The following ADAMTS18 variants were observed in gnomAD, a reference collection of about 807,000 sequenced individuals.
ADAMTS18 encodes A disintegrin and metalloproteinase with thrombospondin motifs 18.
ADAMTS18 carries 157 observed loss-of-function variants against 165.9 expected under a neutral mutation model. The ratio of observed to expected loss-of-function variants is 0.95; its 90% CI spans 0.83 to 1.08. The LOEUF (loss-of-function observed/expected upper bound fraction) is 1.08. Ranked by LOEUF, ADAMTS18 falls within the 50% of genes least tolerant of loss-of-function variation. The pLI is 0.00. For synonymous variants in ADAMTS18, 782 were observed against 578.2 expected, an observed-to-expected ratio of 1.35 and a Z score of -5.06; for missense variants, 2,040 against 1,534.0, an observed-to-expected ratio of 1.33 and a Z score of -5.51.
chr16:77,338,307 C>T (rs377027674), intron 11 of ADAMTS18, among the ~76,000 whole-genome samples: 1 of 152,252 alleles, frequency 6.6e-6, no homozygotes, highest in East Asian at 1.9e-4. Flanking sequence ...ACGATCTTGG[C>T]ACACTGTAGC....
At chr16:77,419,423 T>G (rs1000278838) in intron 3 of ADAMTS18, among the ~76,000 whole-genome samples, 1 of 152,134 alleles carries the variant, frequency 6.6e-6, no homozygotes, top group Non-Finnish European at 1.5e-5. Context: ...CCCATGTGCC[T>G]TGTGTCATGG....
chr16:77,381,738 G>T (rs1251958594), intron 3 of ADAMTS18, among the ~76,000 whole-genome samples: 1 of 152,158 alleles, frequency 6.6e-6, no homozygotes, highest in Non-Finnish European at 1.5e-5. Flanking sequence ...GGAGGCGGAG[G>T]TTGCAGTGAG....
chr16:77,326,626 A>ACCCC (rs542614794), intron 12 of ADAMTS18, among the ~76,000 whole-genome samples: 2 of 152,082 alleles, frequency 1.3e-5, no homozygotes, highest in Admixed American at 6.6e-5. Context: ...CAAGTGATCC[A>ACCCC]CCCCCATCAG....
intron 16 of ADAMTS18, among the ~76,000 whole-genome samples, chr16:77,305,737 G>C (rs938343632): frequency 6.6e-6 from 1 of 152,156 alleles, no homozygotes. Context: ...ACGTGCTTTA[G>C]TGTGTCCATC....
chr16:77,408,062 G>T (rs1049475099), intron 3 of ADAMTS18, among the ~76,000 whole-genome samples: 1 of 152,034 alleles, frequency 6.6e-6, no homozygotes, highest in Non-Finnish European at 1.5e-5. Context: ...AAAACTTAGG[G>T]AGATATTTGA....
intron 3 of ADAMTS18, among the ~76,000 whole-genome samples, chr16:77,400,481 T>TGTG (rs1491498451): frequency 2.0e-4 from 22 of 109,736 alleles, no homozygotes; most frequent in African/African-American, 4.9e-4. Flanking sequence ...TGTGTGTGTG[T>TGTG]TTTGTTTTTT....
rs35296483 is a variant in ADAMTS18 at position 77,293,121 on chromosome 16, G to A, written c.3144C>T (p.Cys1048=). 0.13 allele frequency: 210,529 copies of A among 1,613,800 alleles called. 15,314 individuals carry two copies. Among genetic ancestry groups the A allele is most frequent in the Admixed American group, 0.28 (16,566 of 59,984 alleles). ...CCCACTGTAGCCGGCTGTTCTTGGG[G>A]CATCGTCCAAGCACACAGCCCTCCT... ...ELQEGCVLGR[C]PKNSRLQWVA... The change falls in exon 20 of 23, where the codon TGC becomes TGT. Residue 1048 remains cysteine, a synonymous_variant. Transcript: ENST00000282849.
At chr16:77,347,765 T>G (rs1208086303) in intron 10 of ADAMTS18, among the ~76,000 whole-genome samples, 1 of 152,192 alleles carries the variant, frequency 6.6e-6, no homozygotes, top group Non-Finnish European at 1.5e-5. Flanking sequence ...GGTACCATTT[T>G]ATATTTTTTC....
chr16:77,343,281 C>G (rs1317264886), intron 10 of ADAMTS18, among the ~76,000 whole-genome samples: 1 of 152,166 alleles, frequency 6.6e-6, no homozygotes, highest in Non-Finnish European at 1.5e-5. Context: ...ACCACGTTGG[C>G]CAGGCTGGTC....
intron 16 of ADAMTS18, among the ~76,000 whole-genome samples, chr16:77,313,616 A>G (rs551263486): frequency 1.1e-4 from 17 of 152,252 alleles, no homozygotes; most frequent in Non-Finnish European, 1.9e-4. Context: ...TAAAAAACGT[A>G]TTTCTCATCA....
rs186491648 is a variant in ADAMTS18 at position 77,312,851 on chromosome 16, G to T, written c.2532+6998C>A. ...ACACTTTTACACCGTTGGTGGGACT[G>T]TAAACTAGTTCAACCATTGTGGAAG... On this transcript the variant is annotated intron_variant, in intron 16 of 22. Coordinates refer to ENST00000282849, the MANE Select transcript of ADAMTS18 (RefSeq NM_199355.4). Among the ~76,000 whole-genome samples the T allele has an allele frequency of 6.0e-3, 913 of 152,246 alleles. 4 individuals carry two copies. Among genetic ancestry groups the T allele is most frequent in the Non-Finnish European group, 0.011 (726 of 67,990 alleles).
intron 3 of ADAMTS18, among the ~76,000 whole-genome samples, chr16:77,403,735 T>A (rs919037490): frequency 6.6e-6 from 1 of 152,128 alleles, no homozygotes; most frequent in African/African-American, 2.4e-5. Context: ...TTCATATACA[T>A]CAGAGATGCT....
intron 17 of ADAMTS18, chr16:77,300,051 T>C (rs898832115): frequency 1.8e-6 from 1 of 552,264 alleles, no homozygotes; most frequent in African/African-American, 1.9e-5. Context: ...TGAGCCTTGG[T>C]TGTGGTTGAT....
intron 3 of ADAMTS18, among the ~76,000 whole-genome samples, chr16:77,429,794 T>C (rs1429362481): frequency 3.3e-5 from 5 of 152,252 alleles, no homozygotes; most frequent in African/African-American, 1.2e-4. Context: ...AGAACAGCTA[T>C]AGAGAAATTA....
chr16:77,391,569 A>G (rs1399508306), intron 3 of ADAMTS18, among the ~76,000 whole-genome samples: 2 of 152,002 alleles, frequency 1.3e-5, no homozygotes, highest in Non-Finnish European at 2.9e-5. Context: ...TTGTTTGAGT[A>G]TTCCTAACAG....
chr16:77,366,128 A>C (rs910022393), intron 4 of ADAMTS18, among the ~76,000 whole-genome samples: 2 of 149,132 alleles, frequency 1.3e-5, no homozygotes, highest in South Asian at 4.2e-4. Flanking sequence ...TTAATATCTT[A>C]GTGATACCAG....
chr16:77,400,260 G>C (rs1051361212), intron 3 of ADAMTS18, among the ~76,000 whole-genome samples: 1 of 152,038 alleles, frequency 6.6e-6, no homozygotes. Context: ...ATCCCACCTA[G>C]AGCCAGCATT....
intron 3 of ADAMTS18, among the ~76,000 whole-genome samples, chr16:77,416,302 T>TAGGA (rs771093226): frequency 7.9e-5 from 12 of 151,992 alleles, no homozygotes; most frequent in Non-Finnish European, 1.6e-4. Context: ...ATGGAAGAGA[T>TAGGA]AGGAAGTTAG....
chr16:77,316,216 T>A (rs553787550), intron 16 of ADAMTS18, among the ~76,000 whole-genome samples: 1 of 152,186 alleles, frequency 6.6e-6, no homozygotes, highest in Admixed American at 6.6e-5. Context: ...CCCAGTTTAC[T>A]TCTTGCCTCT....
Sources: gnomAD v4.1 joint callset for allele counts (sites outside exome capture counted in the v4.1 genomes callset) on GRCh38, gnomAD v4.1.1 for gene constraint, MANE v1.5 for transcripts, NCBI Gene and HGNC (gene_info 2026-07-23, HGNC 2026-07-21) for gene names.